BCAS3: variants seen among roughly 807,000 people sequenced by gnomAD.
BCAS3 encodes the protein BCAS4/BCAS3 fusion.
In BCAS3, 53 loss-of-function variants were observed where a neutral mutation model predicts 116.1. That is an observed-to-expected ratio of 0.46 (90% CI 0.37 to 0.57). The LOEUF is 0.57. BCAS3 is among the 20% of genes least tolerant of loss of function. The pLI is 0.00. For synonymous variants in BCAS3, 391 were observed against 408.2 expected (o/e 0.96, Z 0.51); for missense variants, 917 against 1,165.4 (o/e 0.79, Z 3.10).
intron 7 of BCAS3, among the ~76,000 whole-genome samples, chr17:60,843,759 C>T (rs1429781692): frequency 1.3e-5 from 2 of 152,110 alleles, no homozygotes; most frequent in African/African-American, 2.4e-5. Flanking sequence ...TGTTGCATAT[C>T]CTTTTATCAT....
chr17:60,932,981 C>A (rs1200157977), intron 13 of BCAS3, among the ~76,000 whole-genome samples: 1 of 151,974 alleles, frequency 6.6e-6, no homozygotes, highest in Non-Finnish European at 1.5e-5. Flanking sequence ...TCGAGACCAG[C>A]CTGGCCAACA....
intron 10 of BCAS3, among the ~76,000 whole-genome samples, chr17:60,890,144 C>G (rs946245345): frequency 3.3e-5 from 5 of 152,110 alleles, no homozygotes; most frequent in African/African-American, 1.2e-4. Context: ...AGATTAGAAA[C>G]CTGGGCATAG....
rs1333548793 is a variant in BCAS3, at chr17:61,233,344, A to T, written c.2426-134983A>T. On this transcript the variant is annotated intron_variant, in intron 22 of 23. Transcript: ENST00000407086. The surrounding 1 kb of genome is among the most constrained non-coding windows in gnomAD (Gnocchi z 4.3). ...TAGTAAAATCTGAGCTGCCCAGAAC[A>T]CTCTGTGGCTAATGGCTTTTGCAGA... 6.6e-6 allele frequency among the ~76,000 whole-genome samples: 1 copy of T among 152,104 alleles called. No individual in the cohort carries two copies. The highest frequency in any genetic ancestry group is 1.5e-5 in the Non-Finnish European group (1 of 68,012).
Position 60,679,470 on chromosome 17 carries a change from A to G in BCAS3, c.13A>G (p.Met5Val). ...GGAAACAGGTTTTATGAATGAAGCT[A>G]TGGCTACAGATTCCCCAAGAAGACC... MNEA[M>V]ATDSPRRPSR... Residue 5 changes from methionine (M) to valine (V), a missense_variant, in exon 2 of 24, where the codon ATG (methionine) becomes GTG (valine). Physicochemically the swap from Met to Val is conservative, Grantham distance 21. This residue lies in a region of BCAS3 where 807 missense variants were observed against 1,026.0 expected (regional missense o/e 0.79). Coordinates refer to ENST00000407086, the MANE Select transcript of BCAS3 (RefSeq NM_017679.5). 6.2e-7 allele frequency: 1 copy of G among 1,613,664 alleles called. No individual in the cohort carries two copies. Among genetic ancestry groups the G allele is most frequent in the Middle Eastern group, 1.6e-4 (1 of 6,062 alleles).
chr17:61,240,688 T>G (rs998151860), intron 22 of BCAS3, among the ~76,000 whole-genome samples: 2 of 152,140 alleles, frequency 1.3e-5, no homozygotes, highest in African/African-American at 2.4e-5. Context: ...GTAGCTGACA[T>G]TTATCTGAGA....
Position 61,381,912 on chromosome 17 carries a change from A to G in BCAS3, c.2594-10065A>G, listed in dbSNP as rs920405553. Reference sequence around the variant, plus strand: ...TCTAGAAAATTCTCTCCTATCCCCAACTGGTCATCCTCTCCCCAACCTTCA... The same window carrying G: ...TCTAGAAAATTCTCTCCTATCCCCAGCTGGTCATCCTCTCCCCAACCTTCA... On this transcript the variant is annotated intron_variant, in intron 23 of 23. Transcript: ENST00000407086. This position sits in a 1 kb window ranked among gnomAD's most constrained non-coding sequence, Gnocchi z 6.0. Among the ~76,000 whole-genome samples the G allele has an allele frequency of 1.3e-5, 2 of 152,010 alleles. No individual in the cohort carries two copies. Among genetic ancestry groups the G allele is most frequent in the Non-Finnish European group, 1.5e-5 (1 of 67,998 alleles).
Position 61,380,460 on chromosome 17 carries a change from T to G in BCAS3, c.2594-11517T>G. ...TCAGCTCTTCCTGCTCTCTTAAAGG[T>G]CCAGTTTGTGATCCGCTTTAAAGGA... On this transcript the variant is annotated intron_variant, in intron 23 of 23. Coordinates refer to ENST00000407086, the MANE Select transcript of BCAS3 (RefSeq NM_017679.5). This position sits in a 1 kb window ranked among gnomAD's most constrained non-coding sequence, Gnocchi z 4.2. 6.5e-7 allele frequency: 1 copy of G among 1,546,956 alleles called. No homozygotes were observed. The highest frequency in any genetic ancestry group is 1.1e-5 in the South Asian group (1 of 88,510).
intron 19 of BCAS3, among the ~76,000 whole-genome samples, chr17:61,049,448 C>G (rs2068637024): frequency 6.6e-6 from 1 of 151,698 alleles, no homozygotes. Flanking sequence ...GGAAAATATA[C>G]ACTAATAAAC....
intron 5 of BCAS3, among the ~76,000 whole-genome samples, chr17:60,721,794 T>C (rs2039267680): frequency 6.6e-6 from 1 of 152,170 alleles, no homozygotes; most frequent in South Asian, 2.1e-4. Context: ...CATCCTGGAT[T>C]AAGATCTAGA....
intron 12 of BCAS3, among the ~76,000 whole-genome samples, chr17:60,911,648 T>C (rs1172743182): frequency 6.6e-6 from 1 of 152,144 alleles, no homozygotes. Flanking sequence ...TTGGCCTGGC[T>C]GGTCTTGAAC....
intron 7 of BCAS3, among the ~76,000 whole-genome samples, chr17:60,854,949 G>GTTTT (rs1267985905): frequency 6.4e-4 from 78 of 121,962 alleles, no homozygotes; most frequent in Non-Finnish European, 8.1e-4. Context: ...TTTCAGTGAG[G>GTTTT]TTTTTTTTTT....
intron 22 of BCAS3, among the ~76,000 whole-genome samples, chr17:61,149,147 A>G (rs1199348079): frequency 6.6e-6 from 1 of 152,094 alleles, no homozygotes; most frequent in East Asian, 1.9e-4. Context: ...CTTGCCAGAA[A>G]GAGATATCAG....
chr17:60,960,150 T>C lies in BCAS3; in HGVS notation c.1221+12798T>C, dbSNP rs376163159. On this transcript the variant is annotated intron_variant, in intron 14 of 23. Coordinates refer to ENST00000407086, the MANE Select transcript of BCAS3 (RefSeq NM_017679.5). This position sits in a 1 kb window ranked among gnomAD's most constrained non-coding sequence, Gnocchi z 4.1. ...TAATTCACTTCTCTGTATTCTATCC[T>C]CTGCCTCCCAGAATTCATGTTCATG... 7.2e-5 allele frequency among the ~76,000 whole-genome samples: 11 copies of C among 152,340 alleles called. 1 individual carries two copies. Among genetic ancestry groups the C allele is most frequent in the East Asian group, 1.9e-4 (1 of 5,184 alleles).
intron 6 of BCAS3, among the ~76,000 whole-genome samples, chr17:60,775,893 A>G (rs887460770): frequency 1.3e-5 from 2 of 152,214 alleles, no homozygotes; most frequent in Non-Finnish European, 2.9e-5. Context: ...GAAGAGGTCC[A>G]TGCATTCATT....
At chr17:61,373,241 A>G (rs913719938) in intron 23 of BCAS3, among the ~76,000 whole-genome samples, 2 of 151,150 alleles carry the variant, frequency 1.3e-5, no homozygotes, top group African/African-American at 4.9e-5. Flanking sequence ...GATACCCACC[A>G]CCATGCCTGG....
At chr17:61,338,806 C>T (rs2056915469) in intron 22 of BCAS3, among the ~76,000 whole-genome samples, 2 of 143,168 alleles carry the variant, frequency 1.4e-5, no homozygotes, top group South Asian at 4.5e-4. Context: ...CCCTGTGACA[C>T]TGAAAAGTTA....
At chr17:60,811,583 T>C in intron 7 of BCAS3, 1 of 333,372 alleles carries the variant, frequency 3.0e-6, no homozygotes, top group Non-Finnish European at 5.8e-6. Context: ...TTTACAAAGA[T>C]TTTAAAGCAG....
rs1004661755 is a variant in BCAS3, at chr17:61,082,902, C to A, written c.2328-1565C>A. 2.6e-5 allele frequency among the ~76,000 whole-genome samples: 4 copies of A among 152,126 alleles called. No individual in the cohort carries two copies. Among genetic ancestry groups the A allele is most frequent in the African/African-American group, 9.7e-5 (4 of 41,434 alleles). On this transcript the variant is annotated intron_variant, in intron 21 of 23. Coordinates refer to ENST00000407086, the MANE Select transcript of BCAS3 (RefSeq NM_017679.5). The surrounding 1 kb of genome is among the most constrained non-coding windows in gnomAD (Gnocchi z 5.1). ...ATCCTATACCTCCCTCCTGTTTTTTCTTCCTCACAACAAAAGCATGCATTT... is the reference window on the plus strand; with the variant it reads ...ATCCTATACCTCCCTCCTGTTTTTTATTCCTCACAACAAAAGCATGCATTT...
At chr17:60,915,948 G>T (rs748989661) in intron 12 of BCAS3, among the ~76,000 whole-genome samples, 5 of 152,072 alleles carry the variant, frequency 3.3e-5, no homozygotes, top group Non-Finnish European at 7.3e-5. Flanking sequence ...CTCCCAAAGG[G>T]CTGGAATTAC....
Sources: allele counts gnomAD v4.1 joint callset (sites outside exome capture counted in the v4.1 genomes callset), GRCh38; gene constraint gnomAD v4.1.1; regional missense constraint gnomAD v4.1.1; non-coding constraint Gnocchi (gnomAD v3.1); transcripts MANE v1.5; gene names NCBI Gene and HGNC (gene_info 2026-07-23, HGNC 2026-07-21).